The following STIMATE variants were observed in gnomAD, a reference collection of about 807,000 sequenced individuals.
STIMATE encodes the protein STIM activating enhancer, also known as store-operated calcium entry regulator STIMATE.
STIMATE carries 15 observed loss-of-function variants against 36.7 expected under a neutral mutation model. The ratio of observed to expected loss-of-function variants is 0.41; its 90% confidence interval spans 0.27 to 0.63. The LOEUF (loss-of-function observed/expected upper bound fraction) is 0.63. Ranked by LOEUF, STIMATE falls within the 20% of genes least tolerant of loss-of-function variation. The pLI is 0.32. For synonymous variants in STIMATE, 163 were observed against 162.3 expected, an observed-to-expected ratio of 1.00 and a Z score of -0.03; for missense variants, 305 against 397.3, an observed-to-expected ratio of 0.77 and a Z score of 1.98.
intron 2 of STIMATE, among the ~76,000 whole-genome samples, chr3:52,853,685 G>A (rs1455076687): frequency 6.6e-6 from 1 of 152,206 alleles, no homozygotes; most frequent in Non-Finnish European, 1.5e-5. Flanking sequence ...GCCCTGAGGT[G>A]GGAGTCACAC....
chr3:52,850,463 G>A (rs1490102302), intron 3 of STIMATE, among the ~76,000 whole-genome samples: 3 of 91,396 alleles, frequency 3.3e-5, no homozygotes, highest in Non-Finnish European at 7.9e-5. Context: ...ACCTGCCAGT[G>A]CTTCTGCCAG....
rs112725817 is a variant in STIMATE, at chr3:52,844,686, T to C, written c.540+143A>G. ...AGAATTGACAAGCTCTTTGGAGTAG[T>C]TGCCACATCAGACCAAATGCAGGAC... On this transcript the variant is annotated intron_variant, in intron 5 of 7. Transcript: ENST00000355083. The C allele has an allele frequency of 2.7e-5, 22 of 820,184 alleles. 2 individuals carry two copies. The highest frequency in any genetic ancestry group is 1.4e-4 in the African/African-American group (8 of 58,000). The allele number at this position is 820,184 out of a possible 1,614,324, so 50.8% of individuals were successfully genotyped here. A position where few individuals can be genotyped will look rare whatever the true frequency, so the allele number is the denominator to read the frequency against.
chr3:52,856,206 T>C (rs1370061309), intron 1 of STIMATE, among the ~76,000 whole-genome samples: 1 of 151,996 alleles, frequency 6.6e-6, no homozygotes, highest in Non-Finnish European at 1.5e-5. Flanking sequence ...TTTAACACAA[T>C]AGGTAACAAG....
chr3:52,863,631 A>T (rs1701254599), intron 1 of STIMATE, among the ~76,000 whole-genome samples: 1 of 152,192 alleles, frequency 6.6e-6, no homozygotes, highest in Admixed American at 6.5e-5. Context: ...TTTCAACATT[A>T]ACCTAAAAGT....
rs990515752 is a variant in STIMATE at position 52,837,354 on chromosome 3, T to G, written c.*3140A>C. On this transcript the variant is annotated 3_prime_UTR_variant, in exon 8 of 8. Coordinates refer to ENST00000355083, the MANE Select transcript of STIMATE (RefSeq NM_198563.5). ...GCTTGGATTTGAGCCTTTTAATATT[T>G]TCCCTGAAGAAAGAGGCATGACAGG... The G allele has an allele frequency of 1.3e-5, 2 of 152,280 alleles. No homozygotes were observed. Among genetic ancestry groups the G allele is most frequent in the Admixed American group, 6.5e-5 (1 of 15,286 alleles). 9.4% of individuals were successfully genotyped at this position (152,280 alleles called of 1,614,324 possible). A position where few individuals can be genotyped will look rare whatever the true frequency, so the allele number is the denominator to read the frequency against.
At chr3:52,865,191 C>T (rs962907491) in intron 1 of STIMATE, among the ~76,000 whole-genome samples, 9 of 152,150 alleles carry the variant, frequency 5.9e-5, no homozygotes, top group South Asian at 4.1e-4. Context: ...GTGATCCACC[C>T]GCCTTGGCCT....
intron 4 of STIMATE, among the ~76,000 whole-genome samples, chr3:52,846,204 G>A (rs954366622): frequency 1.3e-5 from 2 of 152,192 alleles, no homozygotes; most frequent in Admixed American, 6.5e-5. Flanking sequence ...CACATCAGTC[G>A]CCTCTTCTGA....
At chr3:52,881,520 A>T (rs886115063) in intron 1 of STIMATE, among the ~76,000 whole-genome samples, 2 of 151,940 alleles carry the variant, frequency 1.3e-5, no homozygotes, top group East Asian at 1.9e-4. Context: ...CTGGCTAACA[A>T]GGTGAAACCC....
intron 1 of STIMATE, among the ~76,000 whole-genome samples, chr3:52,871,581 A>AT: frequency 6.6e-6 from 1 of 152,138 alleles, no homozygotes; most frequent in Non-Finnish European, 1.5e-5. Flanking sequence ...GAAGCCTCAG[A>AT]GCCTCACTAT....
At chr3:52,865,382 C>T (rs1248734966) in intron 1 of STIMATE, among the ~76,000 whole-genome samples, 9 of 152,192 alleles carry the variant, frequency 5.9e-5, no homozygotes, top group Non-Finnish European at 2.9e-5. Context: ...TTCAGCAATG[C>T]CCCACTCTAC....
At chr3:52,878,920 G>A (rs1019592312) in intron 1 of STIMATE, among the ~76,000 whole-genome samples, 6 of 152,172 alleles carry the variant, frequency 3.9e-5, no homozygotes, top group Admixed American at 1.3e-4. Context: ...AGGCTCCAAC[G>A]GCAGTGCAAG....
intron 1 of STIMATE, among the ~76,000 whole-genome samples, chr3:52,858,453 T>C (rs1337028716): frequency 6.6e-6 from 1 of 151,774 alleles, no homozygotes; most frequent in Admixed American, 6.6e-5. Context: ...TGAGACTCCA[T>C]CCTTACAAAA....
intron 1 of STIMATE, among the ~76,000 whole-genome samples, chr3:52,855,830 C>T (rs1701082917): frequency 6.6e-6 from 1 of 152,218 alleles, no homozygotes; most frequent in Non-Finnish European, 1.5e-5. Flanking sequence ...TACTGAGTGC[C>T]TACTCCAACC....
chr3:52,883,753 T>C (rs908355463), intron 1 of STIMATE, among the ~76,000 whole-genome samples: 4 of 152,244 alleles, frequency 2.6e-5, no homozygotes, highest in Non-Finnish European at 4.4e-5. Context: ...GAAATTGTAT[T>C]TTCAGTTCTA....
chr3:52,852,390 T>C (rs2246889), intron 3 of STIMATE, among the ~76,000 whole-genome samples: 135,252 of 151,948 alleles, frequency 0.89, 62,086 homozygotes, highest in Non-Finnish European at 1. Flanking sequence ...ATGGGGAAAG[T>C]GTCAACACGC....
At chr3:52,880,125 C>T (rs1255411750) in intron 1 of STIMATE, among the ~76,000 whole-genome samples, 2 of 152,222 alleles carry the variant, frequency 1.3e-5, no homozygotes, top group Non-Finnish European at 2.9e-5. Context: ...AAAGGCCAAG[C>T]ATAGTTCATG....
chr3:52,891,495 G>T (rs1300948889), intron 1 of STIMATE, among the ~76,000 whole-genome samples: 3 of 152,204 alleles, frequency 2.0e-5, no homozygotes, highest in Non-Finnish European at 4.4e-5. Flanking sequence ...ACCTGGAAGT[G>T]GGGCAGCCCC....
intron 1 of STIMATE, among the ~76,000 whole-genome samples, chr3:52,892,766 T>A (rs1013916830): frequency 1.3e-5 from 2 of 152,220 alleles, no homozygotes; most frequent in African/African-American, 4.8e-5. Context: ...AGGTCTTCCA[T>A]CCACCATCAC....
At chr3:52,841,941 T>C in intron 7 of STIMATE, among the ~76,000 whole-genome samples, 1 of 152,202 alleles carries the variant, frequency 6.6e-6, no homozygotes, top group East Asian at 1.9e-4. Context: ...GGCCAGATTC[T>C]AGAGACAAGC....
Sources: allele counts gnomAD v4.1 joint callset (sites outside exome capture counted in the v4.1 genomes callset), GRCh38; gene constraint gnomAD v4.1.1; transcripts MANE v1.5; gene names NCBI Gene and HGNC (gene_info 2026-07-23, HGNC 2026-07-21).